COL24A1: variants seen among roughly 807,000 people sequenced by gnomAD.
The protein encoded by COL24A1 is collagen type XXIV alpha 1 chain, also known as collagen alpha-1(XXIV) chain.
In COL24A1, 224 loss-of-function variants were observed where a neutral mutation model predicts 253.9. The ratio of observed to expected loss-of-function variants is 0.88; its 90% CI spans 0.79 to 0.99. The LOEUF is 0.99. Ranked by LOEUF, COL24A1 falls within the 50% of genes least tolerant of loss-of-function variation. The probability of loss-of-function intolerance (pLI) is 0.00; values close to 1 mark genes in which losing one functional copy is unlikely to be tolerated. For synonymous variants in COL24A1, 685 were observed against 673.7 expected, an observed-to-expected ratio of 1.02 and a Z score of -0.26; for missense variants, 2,131 against 2,068.5, an observed-to-expected ratio of 1.03 and a Z score of -0.59.
intron 24 of COL24A1, among the ~76,000 whole-genome samples, chr1:85,957,465 T>C (rs72712784): frequency 0.023 from 3,467 of 152,258 alleles, 73 homozygotes; most frequent in South Asian, 0.092. Context: ...CATGGATTCT[T>C]AGAATTGGAA....
Position 85,987,582 on chromosome 1 carries a change from C to CT in COL24A1, c.2364+18dup. 6.6e-7 allele frequency: 1 copy of CT among 1,520,988 alleles called. No homozygotes were observed. Among genetic ancestry groups the CT allele is most frequent in the South Asian group, 1.1e-5 (1 of 87,212 alleles). The allele number at this position is 1,520,988 out of a possible 1,614,324, so 94.2% of individuals were successfully genotyped here. A position where few individuals can be genotyped will look rare whatever the true frequency, so the allele number is the denominator to read the frequency against. On this transcript the variant is annotated intron_variant, in intron 20 of 59. Transcript: ENST00000370571. ...AGATAACCATAATTGTTTAGTCTCT[C>CT]TCTTCTTCTTCTTCTTACCTTTGGT... is the stretch of plus-strand genomic sequence containing the variant.
At chr1:85,973,587 A>ATATT (rs1190107517) in intron 20 of COL24A1, among the ~76,000 whole-genome samples, 2 of 152,190 alleles carry the variant, frequency 1.3e-5, no homozygotes, top group African/African-American at 4.8e-5. Context: ...AGGCTCTAAG[A>ATATT]ACATACAATA....
At chr1:86,060,028 C>T (rs1700965438) in intron 8 of COL24A1, among the ~76,000 whole-genome samples, 1 of 152,046 alleles carries the variant, frequency 6.6e-6, no homozygotes, top group African/African-American at 2.4e-5. Context: ...GCAGCCCAAA[C>T]TGACTTAGAC....
At chr1:85,904,878 C>A (rs1392317646) in intron 28 of COL24A1, among the ~76,000 whole-genome samples, 3 of 152,086 alleles carry the variant, frequency 2.0e-5, no homozygotes, top group Admixed American at 2.0e-4. Context: ...AGTCTAGAAT[C>A]CTCCATGGTA....
chr1:85,777,437 T>C (rs1249940591), intron 52 of COL24A1, among the ~76,000 whole-genome samples: 1 of 152,154 alleles, frequency 6.6e-6, no homozygotes, highest in Non-Finnish European at 1.5e-5. Context: ...TATACTCTTC[T>C]ATGCATCGCA....
intron 3 of COL24A1, among the ~76,000 whole-genome samples, chr1:86,123,774 A>T (rs923362370): frequency 2.6e-5 from 4 of 151,932 alleles, no homozygotes; most frequent in Non-Finnish European, 5.9e-5. Flanking sequence ...TATAGTCTTC[A>T]TATTTTATTT....
chr1:86,049,016 T>C (rs1700115325), intron 11 of COL24A1, among the ~76,000 whole-genome samples: 1 of 152,202 alleles, frequency 6.6e-6, no homozygotes, highest in African/African-American at 2.4e-5. Flanking sequence ...ATTAACAACG[T>C]AAACTGGAAC....
At chr1:85,827,470 T>C (rs1161853232) in intron 43 of COL24A1, among the ~76,000 whole-genome samples, 2 of 151,822 alleles carry the variant, frequency 1.3e-5, no homozygotes, top group Non-Finnish European at 2.9e-5. Flanking sequence ...TCCCTCTTTT[T>C]CTATTGATTG....
At chr1:86,021,814 A>G (rs926541694) in intron 18 of COL24A1, among the ~76,000 whole-genome samples, 1 of 152,104 alleles carries the variant, frequency 6.6e-6, no homozygotes, top group South Asian at 2.1e-4. Context: ...GTCAGGAAAA[A>G]AAATAAGGAT....
chr1:85,834,188 C>G (rs1380268112), intron 43 of COL24A1, among the ~76,000 whole-genome samples: 1 of 151,776 alleles, frequency 6.6e-6, no homozygotes, highest in Non-Finnish European at 1.5e-5. Flanking sequence ...GACAAAGTAA[C>G]TAGATTCCAG....
chr1:85,894,431 A>G (rs907215574), intron 31 of COL24A1, among the ~76,000 whole-genome samples: 1 of 152,216 alleles, frequency 6.6e-6, no homozygotes, highest in South Asian at 2.1e-4. Context: ...TGATGGGCTG[A>G]AAATGAAGGT....
At chr1:85,871,307 A>T (rs191985085) in intron 35 of COL24A1, among the ~76,000 whole-genome samples, 1 of 152,188 alleles carries the variant, frequency 6.6e-6, no homozygotes, top group African/African-American at 2.4e-5. Context: ...AAACTATTCC[A>T]ATCAACAGAA....
chr1:85,901,129 A>C (rs1213092177), intron 28 of COL24A1, among the ~76,000 whole-genome samples: 1 of 152,228 alleles, frequency 6.6e-6, no homozygotes, highest in Non-Finnish European at 1.5e-5. Context: ...AACCTGTTGA[A>C]TGAGAGAACA....
intron 52 of COL24A1, among the ~76,000 whole-genome samples, chr1:85,777,629 T>C (rs1413441758): frequency 6.6e-6 from 1 of 152,170 alleles, no homozygotes; most frequent in Non-Finnish European, 1.5e-5. Context: ...AAAAAAAGTC[T>C]TTGCAAAATT....
At chr1:85,799,360 A>G (rs1671180293) in intron 47 of COL24A1, among the ~76,000 whole-genome samples, 2 of 147,172 alleles carry the variant, frequency 1.4e-5, no homozygotes, top group Non-Finnish European at 3.0e-5. Context: ...TAAGCCAAGG[A>G]ACACCATGGT....
At chr1:85,904,881 C>T (rs1177887771) in intron 28 of COL24A1, among the ~76,000 whole-genome samples, 1 of 152,070 alleles carries the variant, frequency 6.6e-6, no homozygotes, top group Non-Finnish European at 1.5e-5. Flanking sequence ...CTAGAATCCT[C>T]CATGGTATTA....
chr1:85,817,846 C>T lies in COL24A1; in HGVS notation c.3843+188G>A, dbSNP rs570066569. Among the ~76,000 whole-genome samples, 6 of 152,258 alleles carry T rather than the reference C, an allele frequency of 3.9e-5. No individual in the cohort carries two copies. In the East Asian group the frequency reaches 1.2e-3, roughly 29 times the overall value. On this transcript the variant is annotated intron_variant, in intron 46 of 59. Coordinates refer to ENST00000370571, the MANE Select transcript of COL24A1 (RefSeq NM_152890.7). ...TCAACTGCAGGGACTTATATTTAAA[C>T]AGCAAGTTTGGTTTTGAGTTAATGG...
rs1370484442 is a variant in COL24A1 at position 86,125,246 on chromosome 1, T to C, written c.1090A>G (p.Lys364Glu). 3.7e-6 allele frequency: 6 copies of C among 1,613,520 alleles called. No homozygotes were observed. The highest frequency in any genetic ancestry group is 1.3e-5 in the African/African-American group (1 of 74,882). ...HRISEAKMNTKEKFSSLLNMS... is the reference protein window; with the variant it reads ...HRISEAKMNTEEKFSSLLNMS... ...TTTAGGAGAGAGCTAAATTTCTCTT[T>C]GGTATTCATTTTTGCCTCACTGATG... is the stretch of plus-strand genomic sequence containing the variant. The change falls in exon 3 of 60, where the codon AAA becomes GAA. Residue 364 changes from lysine (K) to glutamate (E), a missense_variant. Transcript: ENST00000370571.
chr1:86,031,441 C>T (rs1698558926), intron 14 of COL24A1, among the ~76,000 whole-genome samples: 1 of 151,916 alleles, frequency 6.6e-6, no homozygotes, highest in Non-Finnish European at 1.5e-5. Flanking sequence ...GTGATACAAG[C>T]ACCAATTATT....
Sources: allele counts gnomAD v4.1 joint callset (sites outside exome capture counted in the v4.1 genomes callset), GRCh38; gene constraint gnomAD v4.1.1; transcripts MANE v1.5; gene names NCBI Gene and HGNC (gene_info 2026-07-23, HGNC 2026-07-21).